The following PAPPA variants were observed in gnomAD, a reference collection of about 807,000 sequenced individuals.
The protein encoded by PAPPA is pappalysin-1.
Under a neutral mutation model 164.0 loss-of-function variants are expected in PAPPA, and 60 were observed. The ratio of observed to expected loss-of-function variants is 0.37; its 90% confidence interval spans 0.30 to 0.45. The LOEUF is 0.45. Ranked by LOEUF, PAPPA falls within the 20% of genes least tolerant of loss-of-function variation. PAPPA has a pLI of 1.00. For missense variants in PAPPA, 1,782 were observed against 2,087.3 expected (o/e 0.85, Z 2.85); for synonymous variants, 875 against 814.1 (o/e 1.07, Z -1.27).
intron 10 of PAPPA, among the ~76,000 whole-genome samples, chr9:116,307,935 G>T (rs916234228): frequency 3.9e-5 from 6 of 152,218 alleles, no homozygotes; most frequent in Admixed American, 2.6e-4. Context: ...AGGATGCAGA[G>T]AAAACACTCT....
At chr9:116,382,232 G>A (rs534058738) in intron 20 of PAPPA, among the ~76,000 whole-genome samples, 163 bp from the exon 21 acceptor site, 2 of 152,266 alleles carry the variant, frequency 1.3e-5, no homozygotes, top group East Asian at 3.9e-4. Context: ...GAATGGTAGA[G>A]GTGATAACTC....
intron 1 of PAPPA, among the ~76,000 whole-genome samples, chr9:116,159,873 GA>G (rs2118973442): frequency 6.6e-6 from 1 of 152,310 alleles, no homozygotes; most frequent in African/African-American, 2.4e-5. Flanking sequence ...TGTGCAACAG[GA>G]AAGTTGAGGA....
At chr9:116,177,197 T>C (rs752710013) in intron 1 of PAPPA, among the ~76,000 whole-genome samples, 23 of 152,306 alleles carry the variant, frequency 1.5e-4, no homozygotes, top group Non-Finnish European at 2.8e-4. Flanking sequence ...CTTTGAAAAG[T>C]GTTCTATGAA....
intron 2 of PAPPA, among the ~76,000 whole-genome samples, chr9:116,188,522 A>G (rs1844006258): frequency 6.6e-6 from 1 of 152,202 alleles, no homozygotes; most frequent in Admixed American, 6.5e-5. Context: ...GTTGTATTGT[A>G]TGACATAGAG....
chr9:116,174,090 A>G (rs905875019), intron 1 of PAPPA, among the ~76,000 whole-genome samples: 1 of 152,180 alleles, frequency 6.6e-6, no homozygotes, highest in African/African-American at 2.4e-5. Context: ...TAAAATGGTG[A>G]TAATAATAAT....
chr9:116,255,553 T>C (rs747216769), intron 7 of PAPPA, among the ~76,000 whole-genome samples: 1 of 151,908 alleles, frequency 6.6e-6, no homozygotes, highest in East Asian at 2.0e-4. Context: ...AGAAATAAAA[T>C]AGAACTGGGA....
chr9:116,159,569 A>G (rs145579283), intron 1 of PAPPA, among the ~76,000 whole-genome samples: 12 of 152,328 alleles, frequency 7.9e-5, no homozygotes, highest in Admixed American at 7.2e-4. Flanking sequence ...TTAAACAGGA[A>G]AACAAGTTAG....
intron 10 of PAPPA, among the ~76,000 whole-genome samples, chr9:116,317,195 A>G (rs1326338508): frequency 6.6e-6 from 1 of 152,220 alleles, no homozygotes; most frequent in Non-Finnish European, 1.5e-5. Context: ...GTTTTTAAGT[A>G]AAAAATCATT....
rs1242907018 is a variant in PAPPA at position 116,353,850 on chromosome 9, A to T, written c.4347+57A>T. On this transcript the variant is annotated intron_variant, in intron 17 of 21. Transcript: ENST00000328252. ...TGGTCCCTTTCCTTTCTGCTTACCA[A>T]AAACTAGCCTGTACTTCAGGAACCA... 8.0e-6 allele frequency: 11 copies of T among 1,371,826 alleles called. No homozygotes were observed. The Admixed American group carries it at 1.6e-4, about 19-fold the overall frequency. 85.0% of individuals were successfully genotyped at this position (1,371,826 alleles called of 1,614,324 possible).
chr9:116,238,261 T>A (rs887533960), intron 7 of PAPPA, among the ~76,000 whole-genome samples: 1 of 152,172 alleles, frequency 6.6e-6, no homozygotes, highest in Non-Finnish European at 1.5e-5. Flanking sequence ...ATGGCATCAG[T>A]ATCACCTGGG....
At chr9:116,365,120 T>C (rs1360445313) in intron 18 of PAPPA, among the ~76,000 whole-genome samples, 1 of 152,158 alleles carries the variant, frequency 6.6e-6, no homozygotes, top group Non-Finnish European at 1.5e-5. Context: ...GCTGAGCCCT[T>C]CCCTGAGGAG....
intron 2 of PAPPA, among the ~76,000 whole-genome samples, chr9:116,206,451 A>G (rs2118673361): frequency 6.6e-6 from 1 of 152,288 alleles, no homozygotes; most frequent in Non-Finnish European, 1.5e-5. Context: ...ATGTATTGAT[A>G]AGGAAACTGA....
chr9:116,317,298 C>T (rs994351893), intron 10 of PAPPA, among the ~76,000 whole-genome samples: 7 of 152,264 alleles, frequency 4.6e-5, no homozygotes, highest in Non-Finnish European at 7.4e-5. Context: ...GACCAGGCAC[C>T]GAACTTGGAT....
In PAPPA at chr9:116,347,064, G is replaced by A. The variant is rs1846219977; in HGVS notation, c.3819G>A (p.Lys1273=). 1 of 1,614,144 alleles carries A rather than the reference G, an allele frequency of 6.2e-7. No individual in the cohort carries two copies. Among genetic ancestry groups the A allele is most frequent in the Non-Finnish European group, 8.5e-7 (1 of 1,179,998 alleles). Residue 1273 remains lysine (K), a synonymous_variant, in exon 15 of 22, where the codon AAG becomes AAA. Transcript: ENST00000328252. The surrounding 1 kb of genome is among the most constrained non-coding windows in gnomAD (Gnocchi z 4.5). ...TCACAGTGACCTGTACAGAGGGCAA[G>A]TGGAATAAGCAGGTGGCCTGTGAGC... ...PSVTVTCTEG[K]WNKQVACEPV...
At chr9:116,176,058 T>C (rs138783560) in intron 1 of PAPPA, among the ~76,000 whole-genome samples, 279 of 152,316 alleles carry the variant, frequency 1.8e-3, no homozygotes, top group African/African-American at 6.4e-3. Context: ...TCAACACTTA[T>C]ACACTGATGG....
intron 19 of PAPPA, among the ~76,000 whole-genome samples, chr9:116,369,747 C>G (rs962234283): frequency 6.6e-6 from 1 of 151,808 alleles, no homozygotes; most frequent in Non-Finnish European, 1.5e-5. Flanking sequence ...TGCAAGCTGC[C>G]CCCCCTCCCC....
chr9:116,239,411 C>T (rs1844710427), intron 7 of PAPPA, among the ~76,000 whole-genome samples: 1 of 152,032 alleles, frequency 6.6e-6, no homozygotes, highest in Non-Finnish European at 1.5e-5. Flanking sequence ...AATGAGAGGC[C>T]AACACATTAA....
chr9:116,386,798 A>AGAT (rs1051549452), intron 21 of PAPPA, among the ~76,000 whole-genome samples: 12 of 152,160 alleles, frequency 7.9e-5, no homozygotes, highest in Non-Finnish European at 1.5e-4. Flanking sequence ...GTAGCAGCAA[A>AGAT]GATGGGGTCG....
intron 2 of PAPPA, among the ~76,000 whole-genome samples, chr9:116,206,456 A>C (rs897299133): frequency 6.6e-6 from 1 of 152,150 alleles, no homozygotes; most frequent in Non-Finnish European, 1.5e-5. Flanking sequence ...TTGATAAGGA[A>C]ACTGAGGCCC....
Sources: allele counts gnomAD v4.1 joint callset (sites outside exome capture counted in the v4.1 genomes callset), GRCh38; gene constraint gnomAD v4.1.1; non-coding constraint Gnocchi (gnomAD v3.1); transcripts MANE v1.5; gene names NCBI Gene and HGNC (gene_info 2026-07-23, HGNC 2026-07-21).